DHX29: variants seen among roughly 807,000 people sequenced by gnomAD.
DHX29 encodes the protein ATP-dependent RNA helicase DHX29.
DHX29 carries 79 observed loss-of-function variants against 167.9 expected under a neutral mutation model. The ratio of observed to expected loss-of-function variants is 0.47; its 90% CI spans 0.39 to 0.57. The LOEUF is 0.57. Ranked by LOEUF, DHX29 falls within the 20% of genes least tolerant of loss-of-function variation. The pLI is 0.00. For synonymous variants in DHX29, 530 were observed against 546.0 expected (o/e 0.97, Z 0.41); for missense variants, 1,347 against 1,593.4 (o/e 0.85, Z 2.63).
At chr5:55,264,785 CATT>C (rs1267294334) in intron 23 of DHX29, among the ~76,000 whole-genome samples, 2 of 152,140 alleles carry the variant, frequency 1.3e-5, no homozygotes, top group Admixed American at 6.5e-5. Flanking sequence ...GGAATCAACT[CATT>C]ATGAAAACTG....
At chr5:55,273,047 T>C (rs530553247) in intron 17 of DHX29, among the ~76,000 whole-genome samples, 5 of 152,254 alleles carry the variant, frequency 3.3e-5, no homozygotes, top group Non-Finnish European at 7.4e-5. Flanking sequence ...ATCCATACTA[T>C]GTTTTTCAAC....
intron 26 of DHX29, among the ~76,000 whole-genome samples, chr5:55,258,636 G>A (rs1746163548): frequency 6.6e-6 from 1 of 152,096 alleles, no homozygotes; most frequent in African/African-American, 2.4e-5. Flanking sequence ...GTCTTGCTCT[G>A]TCACCCAGAC....
chr5:55,279,113 G>A (rs1439398733), intron 12 of DHX29, among the ~76,000 whole-genome samples: 1 of 152,230 alleles, frequency 6.6e-6, no homozygotes, highest in African/African-American at 2.4e-5. Context: ...GACTTTTGTA[G>A]TAGTTAAAGA....
chr5:55,288,394 T>C (rs1747855169), intron 8 of DHX29, among the ~76,000 whole-genome samples: 1 of 151,282 alleles, frequency 6.6e-6, no homozygotes, highest in Admixed American at 6.6e-5. Flanking sequence ...TATTTACTAT[T>C]AGTAAATAGT....
chr5:55,273,555 GA>G, intron 16 of DHX29, 178 bp from the exon 17 acceptor site: 3 of 678,510 alleles, frequency 4.4e-6, no homozygotes, highest in Middle Eastern at 5.1e-4. Context: ...GCATCACAAA[GA>G]ATATAAACAA....
At chr5:55,286,964 A>C (rs1370116441) in intron 8 of DHX29, among the ~76,000 whole-genome samples, 2 of 152,234 alleles carry the variant, frequency 1.3e-5, no homozygotes, top group African/African-American at 4.8e-5. Flanking sequence ...AGTAAATGTC[A>C]TTACAGCAAG....
chr5:55,294,873 A>C (rs750011422), intron 5 of DHX29: 1 of 153,714 alleles, frequency 6.5e-6, no homozygotes, highest in African/African-American at 2.4e-5. Flanking sequence ...TACTTCAGTC[A>C]ATGGGACATT....
At position 55,276,409 on chromosome 5, in the gene DHX29, G is replaced by C. The variant is rs760819517; in HGVS notation, c.2287-3C>G. ...ATTATATCTTCAAGATGAAAAACCTGCATAGAATAAGGCATATAAATGGGT... is the reference window on the plus strand; with the variant it reads ...ATTATATCTTCAAGATGAAAAACCTCCATAGAATAAGGCATATAAATGGGT... On this transcript the variant is annotated splice_polypyrimidine_tract_variant and splice_region_variant and intron_variant, in intron 13 of 26. Coordinates refer to ENST00000251636, the MANE Select transcript of DHX29 (RefSeq NM_019030.4). 4.4e-6 allele frequency: 7 copies of C among 1,586,516 alleles called. No individual in the cohort carries two copies. The highest frequency in any genetic ancestry group is 6.0e-6 in the Non-Finnish European group (7 of 1,170,418).
intron 22 of DHX29, 149 bp from the exon 23 acceptor site, chr5:55,267,380 T>C: frequency 1.6e-6 from 1 of 632,002 alleles, no homozygotes; most frequent in Non-Finnish European, 2.7e-6. Context: ...CAATTGTATA[T>C]AAGAATATTA....
intron 7 of DHX29, 77 bp downstream of exon 7, chr5:55,290,141 A>T (rs1747964661): frequency 1.3e-6 from 2 of 1,489,470 alleles, no homozygotes; most frequent in Non-Finnish European, 1.8e-6. Flanking sequence ...TATTAAAAGG[A>T]AGCATCATCC....
Position 55,261,528 on chromosome 5 carries a change from T to C in DHX29, c.3829-29A>G, listed in dbSNP as rs1746316222. On this transcript the variant is annotated intron_variant, in intron 24 of 26. Coordinates refer to ENST00000251636, the MANE Select transcript of DHX29 (RefSeq NM_019030.4). ...CATGGGAAAAAGGGGGGAAAATAAC[T>C]TCAAAATATAAAAATAGAAGGAGGT... is the stretch of plus-strand genomic sequence containing the variant. 4 of 1,440,968 alleles carry C rather than the reference T, an allele frequency of 2.8e-6. No homozygotes were observed. The East Asian group carries it at 9.4e-5, about 34-fold the overall frequency. 89.3% of individuals were successfully genotyped at this position (1,440,968 alleles called of 1,614,324 possible).
chr5:55,296,135 A>G (rs1748306970), intron 4 of DHX29, 85 bp downstream of exon 4: 2 of 1,359,906 alleles, frequency 1.5e-6, no homozygotes, highest in African/African-American at 1.5e-5. Context: ...GTGAAAAAAT[A>G]TGAGTATGAG....
At chr5:55,296,818 AT>A (rs763300081) in intron 3 of DHX29, among the ~76,000 whole-genome samples, 11 of 152,110 alleles carry the variant, frequency 7.2e-5, no homozygotes, top group Non-Finnish European at 1.0e-4. Context: ...GAACATCTTT[AT>A]AGATAAAGAT....
chr5:55,273,125 G>C (rs1416322600), intron 17 of DHX29, among the ~76,000 whole-genome samples, 168 bp downstream of exon 17: 1 of 152,158 alleles, frequency 6.6e-6, no homozygotes, highest in Non-Finnish European at 1.5e-5. Flanking sequence ...TGCTTGAATT[G>C]TAACATTGGG....
intron 8 of DHX29, among the ~76,000 whole-genome samples, chr5:55,287,889 C>CA (rs1312695309): frequency 7.0e-6 from 1 of 143,854 alleles, no homozygotes; most frequent in Non-Finnish European, 1.5e-5. Context: ...GTGGAGGTTG[C>CA]AGTGAACCGA....
chr5:55,272,050 G>T, intron 18 of DHX29, 37 bp downstream of exon 18: 1 of 1,274,320 alleles, frequency 7.8e-7, no homozygotes, highest in Non-Finnish European at 1.1e-6. Context: ...CCTCTTTCCA[G>T]GTTAAAAATG....
intron 1 of DHX29, among the ~76,000 whole-genome samples, chr5:55,299,586 G>A (rs949287946): frequency 2.6e-5 from 4 of 152,060 alleles, no homozygotes; most frequent in Admixed American, 6.5e-5. Flanking sequence ...GGTAAGAATC[G>A]TTCCTTCCCC....
At chr5:55,298,874 C>CA (rs1748457049) in intron 1 of DHX29, among the ~76,000 whole-genome samples, 1 of 150,046 alleles carries the variant, frequency 6.7e-6, no homozygotes, top group Non-Finnish European at 1.5e-5. Context: ...ACTAAAAATA[C>CA]AAAAAATTAG....
At chr5:55,279,737 TG>T (rs370813760) in intron 12 of DHX29, 17,782 of 152,898 alleles carry the variant, frequency 0.12, 1,296 homozygotes, top group East Asian at 0.25. Context: ...TTGCTGTTTT[TG>T]TTTTTTTTTT....
Sources: gnomAD v4.1 joint callset for allele counts (sites outside exome capture counted in the v4.1 genomes callset) on GRCh38, gnomAD v4.1.1 for gene constraint, MANE v1.5 for transcripts, NCBI Gene and HGNC (gene_info 2026-07-23, HGNC 2026-07-21) for gene names.